DPYSL2: variants seen among roughly 807,000 people sequenced by gnomAD.
DPYSL2 encodes dihydropyrimidinase like 2.
A neutral mutation model predicts 69.9 loss-of-function variants in DPYSL2; 13 were observed. The observed-to-expected ratio is 0.19, with a 90% CI of 0.12 to 0.30. The LOEUF (loss-of-function observed/expected upper bound fraction) is 0.30. Among genes scored for constraint, DPYSL2 ranks in the 10% least tolerant of loss-of-function variants. The pLI is 1.00. For synonymous variants in DPYSL2, 326 were observed against 359.1 expected, an observed-to-expected ratio of 0.91 and a Z score of 1.04; for missense variants, 587 against 918.9, an observed-to-expected ratio of 0.64 and a Z score of 4.67.
At position 26,627,271 on chromosome 8, in the gene DPYSL2, A is replaced by G; in HGVS notation, c.912A>G (p.Ala304=). 1.2e-6 allele frequency: 2 copies of G among 1,614,206 alleles called. No homozygotes were observed. Among genetic ancestry groups the G allele is most frequent in the Non-Finnish European group, 1.7e-6 (2 of 1,180,038 alleles). Residue 304 remains alanine, a synonymous_variant, in exon 6 of 14, where the codon GCA becomes GCG. Transcript: ENST00000521913. This position sits in a 1 kb window ranked among gnomAD's most constrained non-coding sequence, Gnocchi z 6.9. The stretch of plus-strand genomic sequence containing the variant: ...TTGGCGCCATAGCCCAAGTCCACGC[A>G]GAAAATGGCGACATCATTGCAGAGG... The part of the protein sequence containing the change: ...RDIGAIAQVH[A]ENGDIIAEEQ...
chr8:26,612,585 C>G (rs1415379733), intron 3 of DPYSL2, among the ~76,000 whole-genome samples: 1 of 152,212 alleles, frequency 6.6e-6, no homozygotes, highest in African/African-American at 2.4e-5. Flanking sequence ...GGTGTGGTGG[C>G]TCACGCCTGT....
intron 1 of DPYSL2, among the ~76,000 whole-genome samples, chr8:26,542,887 A>G (rs1437006272): frequency 6.6e-6 from 1 of 152,170 alleles, no homozygotes; most frequent in South Asian, 2.1e-4. Context: ...TTGGATTGAG[A>G]GCATACAGTA....
At chr8:26,569,327 C>T (rs1801199575) in intron 1 of DPYSL2, among the ~76,000 whole-genome samples, 2 of 133,478 alleles carry the variant, frequency 1.5e-5, no homozygotes, top group African/African-American at 5.4e-5. Flanking sequence ...GCACTCTAGC[C>T]TGGGTGACAG....
chr8:26,611,837 G>A lies in DPYSL2; in HGVS notation c.629-12306G>A, dbSNP rs573929021. 6.6e-5 allele frequency among the ~76,000 whole-genome samples: 10 copies of A among 152,304 alleles called. No individual in the cohort carries two copies. The South Asian group carries it at 8.3e-4, about 13-fold the overall frequency. On this transcript the variant is annotated intron_variant, in intron 3 of 13. Transcript: ENST00000521913. ...CAAAGCACAGCTTCTCCCTGGACCC[G>A]GAAAGAGGGACTCAGGCGCCTGGGG...
rs568881214 is a variant in DPYSL2, at chr8:26,514,958, G to A, written c.354+279G>A. On this transcript the variant is annotated intron_variant, in intron 1 of 13. Transcript: ENST00000521913. The surrounding 1 kb of genome is among the most constrained non-coding windows in gnomAD (Gnocchi z 8.4). ...AATGGGCTGATCCCCTGCTGGGGCG[G>A]GCGGTGGTCGTCTGGGAGGGGGTTG... Among the ~76,000 whole-genome samples, 85 of 152,356 alleles carry A rather than the reference G, an allele frequency of 5.6e-4. No homozygotes were observed. Among genetic ancestry groups the A allele is most frequent in the Non-Finnish European group, 1.1e-3 (74 of 68,028 alleles).
At chr8:26,574,228 G>C (rs1801288858) in intron 1 of DPYSL2, among the ~76,000 whole-genome samples, 1 of 152,096 alleles carries the variant, frequency 6.6e-6, no homozygotes, top group Non-Finnish European at 1.5e-5. Context: ...AACGGCTTAG[G>C]GCAAGATGTA....
At chr8:26,569,122 C>T (rs547047514) in intron 1 of DPYSL2, among the ~76,000 whole-genome samples, 14 of 152,012 alleles carry the variant, frequency 9.2e-5, no homozygotes, top group African/African-American at 3.1e-4. Flanking sequence ...TTTGGGAGGC[C>T]GAGACAGGAG....
chr8:26,645,991 G>A (rs1803155351), intron 10 of DPYSL2, among the ~76,000 whole-genome samples: 1 of 152,036 alleles, frequency 6.6e-6, no homozygotes, highest in Admixed American at 6.6e-5. Context: ...TCAGCCTCCT[G>A]AGTAGCTGGG....
At chr8:26,606,647 GAGT>G (rs1278871381) in intron 3 of DPYSL2, among the ~76,000 whole-genome samples, 2 of 152,152 alleles carry the variant, frequency 1.3e-5, no homozygotes, top group African/African-American at 4.8e-5. Context: ...TCAACTGAAT[GAGT>G]AATAAAAGAA....
chr8:26,631,179 T>A (rs191545675), intron 7 of DPYSL2, among the ~76,000 whole-genome samples: 1 of 152,340 alleles, frequency 6.6e-6, no homozygotes, highest in East Asian at 1.9e-4. Flanking sequence ...TGGTTGCTTG[T>A]ATTCATCCAT....
rs1405931139 is a variant in DPYSL2 at position 26,650,508 on chromosome 8, G to C, written c.1597-1749G>C. Among the ~76,000 whole-genome samples the C allele has an allele frequency of 6.6e-6, 1 of 152,208 alleles. No individual in the cohort carries two copies. The highest frequency in any genetic ancestry group is 1.5e-5 in the Non-Finnish European group (1 of 68,046). On this transcript the variant is annotated intron_variant, in intron 11 of 13. Coordinates refer to ENST00000521913, the MANE Select transcript of DPYSL2 (RefSeq NM_001197293.3). The surrounding 1 kb of genome is among the most constrained non-coding windows in gnomAD (Gnocchi z 5.3). Reference sequence around the variant, plus strand: ...TTCACATACACCTCGGGAGGGTGCAGATGAAGAAACTGAAGCTGAGACAGG... The same window carrying C: ...TTCACATACACCTCGGGAGGGTGCACATGAAGAAACTGAAGCTGAGACAGG...
At chr8:26,603,946 G>C (rs1205433808) in intron 3 of DPYSL2, among the ~76,000 whole-genome samples, 1 of 152,180 alleles carries the variant, frequency 6.6e-6, no homozygotes, top group Non-Finnish European at 1.5e-5. Context: ...CTATGAACAT[G>C]AGTGTGCAAA....
At chr8:26,600,891 T>C (rs1801976364) in intron 3 of DPYSL2, among the ~76,000 whole-genome samples, 2 of 152,218 alleles carry the variant, frequency 1.3e-5, no homozygotes. Context: ...TTGTGAGCCT[T>C]CTTCTTTCTG....
chr8:26,586,247 C>G lies in DPYSL2; in HGVS notation c.628+2264C>G, dbSNP rs539493032. Among the ~76,000 whole-genome samples, 3 of 152,256 alleles carry G rather than the reference C, an allele frequency of 2.0e-5. No individual in the cohort carries two copies. Among genetic ancestry groups the G allele is most frequent in the East Asian group, 3.9e-4 (2 of 5,184 alleles). ...TTGCCGTGTGACCTTGAGTCACTAC[C>G]CTACTCTGTGTTCTAGCTGTGTGTC... is the stretch of plus-strand genomic sequence containing the variant. On this transcript the variant is annotated intron_variant, in intron 3 of 13. Transcript: ENST00000521913. This position sits in a 1 kb window ranked among gnomAD's most constrained non-coding sequence, Gnocchi z 4.7.
In DPYSL2 at chr8:26,652,415, G is replaced by A. The variant is rs761066014; in HGVS notation, c.1755G>A (p.Lys585=). The change falls in exon 12 of 14, where the codon AAG becomes AAA. Residue 585 remains lysine (K), a synonymous_variant. Transcript: ENST00000521913. The surrounding 1 kb of genome is among the most constrained non-coding windows in gnomAD (Gnocchi z 6.3). ...AGCCCTTCCCTGATTTTGTTTACAA[G>A]CGTATCAAGGCAAGGAGCAGGGTGA... ...PRKPFPDFVY[K]RIKARSRLAE... 8 of 1,613,224 alleles carry A rather than the reference G, an allele frequency of 5.0e-6. No homozygotes were observed. The Admixed American group carries it at 6.7e-5, about 13-fold the overall frequency.
intron 3 of DPYSL2, among the ~76,000 whole-genome samples, chr8:26,602,888 A>G (rs1310512890): frequency 2.0e-5 from 3 of 152,240 alleles, no homozygotes; most frequent in Non-Finnish European, 4.4e-5. Flanking sequence ...GAGAGCCAAG[A>G]GAGGCTTCAG....
At position 26,591,155 on chromosome 8, in the gene DPYSL2, G is replaced by A. The variant is rs1801717589; in HGVS notation, c.628+7172G>A. Among the ~76,000 whole-genome samples, 1 of 152,202 alleles carries A rather than the reference G, an allele frequency of 6.6e-6. No individual in the cohort carries two copies. The highest frequency in any genetic ancestry group is 2.4e-5 in the African/African-American group (1 of 41,452). ...ACTCTGCCTATGGGTGTTTTACATG[G>A]AGAGTCACAGCACTGGGGGTTTCCC... is the stretch of plus-strand genomic sequence containing the variant. On this transcript the variant is annotated intron_variant, in intron 3 of 13. Coordinates refer to ENST00000521913, the MANE Select transcript of DPYSL2 (RefSeq NM_001197293.3). This position sits in a 1 kb window ranked among gnomAD's most constrained non-coding sequence, Gnocchi z 5.8.
Position 26,643,904 on chromosome 8 carries a change from G to T in DPYSL2, c.1284-46G>T. On this transcript the variant is annotated intron_variant, in intron 9 of 13. Transcript: ENST00000521913. This position sits in a 1 kb window ranked among gnomAD's most constrained non-coding sequence, Gnocchi z 6.5. ...CCCACCAAATAGGTGTAGGCGCACA[G>T]CATCTTGACGAAGCTGCAGCACCAC... 6.3e-7 allele frequency: 1 copy of T among 1,594,274 alleles called. No individual in the cohort carries two copies. Among genetic ancestry groups the T allele is most frequent in the Non-Finnish European group, 8.6e-7 (1 of 1,168,828 alleles).
chr8:26,651,100 A>G (rs1174935554), intron 11 of DPYSL2, among the ~76,000 whole-genome samples: 1 of 152,228 alleles, frequency 6.6e-6, no homozygotes, highest in Non-Finnish European at 1.5e-5. Context: ...ATCCAAGTGC[A>G]GAGTCCTCTT....
Sources: allele counts gnomAD v4.1 joint callset (sites outside exome capture counted in the v4.1 genomes callset), GRCh38; gene constraint gnomAD v4.1.1; non-coding constraint Gnocchi (gnomAD v3.1); transcripts MANE v1.5; gene names NCBI Gene and HGNC (gene_info 2026-07-23, HGNC 2026-07-21).